Variants in CEP63 observed in about 807,000 individuals in gnomAD.
CEP63 encodes centrosomal protein 63, also known as centrosomal protein of 63 kDa.
Under a neutral mutation model 89.1 loss-of-function variants are expected in CEP63, and 84 were observed. The ratio of observed to expected loss-of-function variants is 0.94; its 90% CI spans 0.79 to 1.13. CEP63 has a LOEUF of 1.13. CEP63 is among the 50% of genes most tolerant of loss of function. The pLI is 0.00. For synonymous variants in CEP63, 267 were observed against 272.5 expected (o/e 0.98, Z 0.20); for missense variants, 838 against 813.3 (o/e 1.03, Z -0.37).
At chr3:134,739,916 G>A in the CEP63 span, among the ~76,000 whole-genome samples, 4 of 152,164 alleles carry the variant, frequency 2.6e-5, no homozygotes, top group African/African-American at 9.7e-5. Flanking sequence ...ATCACCTCCT[G>A]CTATGACAGA....
chr3:134,556,964 A>G (rs1409455135), intron 12 of CEP63, among the ~76,000 whole-genome samples: 1 of 152,198 alleles, frequency 6.6e-6, no homozygotes, highest in East Asian at 1.9e-4. Flanking sequence ...AGCTTTCTCT[A>G]GTTTTGAAAT....
the CEP63 span, among the ~76,000 whole-genome samples, chr3:134,696,391 C>T: frequency 1.3e-5 from 2 of 152,198 alleles, no homozygotes; most frequent in African/African-American, 4.8e-5. Context: ...TGTCTCAGGG[C>T]TGTTGGTTGA....
rs138905288 is a variant in CEP63 at position 134,545,689 on chromosome 3, T to G, written c.659T>G (p.Ile220Ser). 6.9e-5 allele frequency: 112 copies of G among 1,613,936 alleles called. No individual in the cohort carries two copies. The highest frequency in any genetic ancestry group is 1.3e-5 in the Non-Finnish European group (15 of 1,179,960). The change falls in exon 7 of 15, where the codon ATC (isoleucine) becomes AGC (serine). Residue 220 changes from isoleucine (I) to serine (S), a missense_variant. Transcript: ENST00000675561. ...SSKLERANDT[I>S]CANELEIERL... ...AAACTGGAGCGGGCTAATGACACTATCTGTGCCAATGAGTTGGAAATAGAG... is the reference window on the plus strand; with the variant it reads ...AAACTGGAGCGGGCTAATGACACTAGCTGTGCCAATGAGTTGGAAATAGAG...
intron 3 of CEP63, among the ~76,000 whole-genome samples, chr3:134,521,155 C>T (rs150307913): frequency 4.6e-5 from 7 of 152,066 alleles, no homozygotes; most frequent in East Asian, 3.9e-4. Context: ...AAATGACCAG[C>T]GAGCATGTGA....
At chr3:134,607,424 C>T in the CEP63 span, 143 of 985,650 alleles carry the variant, frequency 1.5e-4, 2 homozygotes, top group African/African-American at 2.3e-3. Flanking sequence ...GGCCCACCCA[C>T]AGGCACCCTG....
chr3:134,723,450 A>G, the CEP63 span, among the ~76,000 whole-genome samples: 24 of 152,244 alleles, frequency 1.6e-4, no homozygotes, highest in African/African-American at 5.8e-4. Context: ...ACGATTCTGC[A>G]GCACAATACT....
the CEP63 span, among the ~76,000 whole-genome samples, chr3:134,596,689 G>C: frequency 1.3e-5 from 2 of 152,190 alleles, no homozygotes; most frequent in African/African-American, 4.8e-5. Context: ...CACTTGCCAA[G>C]CGTTTACCAA....
the CEP63 span, among the ~76,000 whole-genome samples, chr3:134,677,001 C>CGAGGCAGGTGGTTCACG: frequency 1.3e-5 from 2 of 152,142 alleles, no homozygotes; most frequent in East Asian, 3.9e-4. Context: ...TTTGGGAGGC[C>CGAGGCAGGTGGTTCACG]GAGGCAGGTG....
At chr3:134,643,088 T>C in the CEP63 span, among the ~76,000 whole-genome samples, 1 of 152,186 alleles carries the variant, frequency 6.6e-6, no homozygotes, top group Non-Finnish European at 1.5e-5. Flanking sequence ...CTGAGGCCCA[T>C]GGGCTTTATT....
chr3:134,511,863 A>G (rs1268921460), intron 3 of CEP63, among the ~76,000 whole-genome samples: 1 of 152,196 alleles, frequency 6.6e-6, no homozygotes, highest in East Asian at 1.9e-4. Context: ...ACAGTTCAAC[A>G]TGAGATTTGG....
chr3:134,765,183 G>A, the CEP63 span, among the ~76,000 whole-genome samples: 4 of 152,224 alleles, frequency 2.6e-5, no homozygotes, highest in African/African-American at 9.7e-5. Flanking sequence ...CCATGATAGT[G>A]TATGTATAAG....
the CEP63 span, among the ~76,000 whole-genome samples, chr3:134,622,488 C>T: frequency 1.4e-4 from 22 of 152,150 alleles, no homozygotes; most frequent in South Asian, 4.6e-3. Flanking sequence ...TGTATGATTC[C>T]ACTTATATGA....
intron 1 of CEP63, among the ~76,000 whole-genome samples, chr3:134,493,572 A>T (rs1021966577): frequency 6.6e-6 from 1 of 152,182 alleles, no homozygotes; most frequent in African/African-American, 2.4e-5. Flanking sequence ...GTGCACAAAT[A>T]ATTTAATACT....
At chr3:134,608,368 G>A in the CEP63 span, 4 of 1,366,894 alleles carry the variant, frequency 2.9e-6, no homozygotes, top group Non-Finnish European at 3.8e-6. Flanking sequence ...CAAGTTCTAG[G>A]AAACCTGCAG....
chr3:134,648,869 T>C, the CEP63 span, among the ~76,000 whole-genome samples: 1 of 152,248 alleles, frequency 6.6e-6, no homozygotes, highest in African/African-American at 2.4e-5. Flanking sequence ...GAAGATCCAC[T>C]CTCCAGTGGA....
At chr3:134,603,726 G>T in the CEP63 span, 1 of 1,613,432 alleles carries the variant, frequency 6.2e-7, no homozygotes, top group Non-Finnish European at 8.5e-7. Flanking sequence ...GGGGCCATGT[G>T]TCCTGCCCCT....
the CEP63 span, among the ~76,000 whole-genome samples, chr3:134,699,931 C>A: frequency 6.6e-6 from 1 of 152,208 alleles, no homozygotes; most frequent in Non-Finnish European, 1.5e-5. Context: ...GTAAATAGCT[C>A]CAGAACTGAC....
chr3:134,635,668 C>T, the CEP63 span, among the ~76,000 whole-genome samples: 1 of 152,002 alleles, frequency 6.6e-6, no homozygotes, highest in Non-Finnish European at 1.5e-5. Flanking sequence ...GTGGTGGTTT[C>T]ACAAATCTAT....
chr3:134,750,653 A>T, the CEP63 span, among the ~76,000 whole-genome samples: 3 of 152,228 alleles, frequency 2.0e-5, no homozygotes, highest in South Asian at 2.1e-4. Context: ...TCATCTGTGC[A>T]TGGGTCTGGG....
Sources: allele counts gnomAD v4.1 joint callset (sites outside exome capture counted in the v4.1 genomes callset), GRCh38; gene constraint gnomAD v4.1.1; transcripts MANE v1.5; gene names NCBI Gene and HGNC (gene_info 2026-07-23, HGNC 2026-07-21).